The following MYRIP variants were observed in gnomAD, a reference collection of about 807,000 sequenced individuals.
MYRIP encodes the protein myosin VIIA and Rab interacting protein.
Under a neutral mutation model 98.0 loss-of-function variants are expected in MYRIP, and 49 were observed. The ratio of observed to expected loss-of-function variants is 0.50; its 90% CI spans 0.40 to 0.63. The LOEUF (loss-of-function observed/expected upper bound fraction) is 0.63, where lower values mean the gene tolerates loss of function less well. Among genes scored for constraint, MYRIP ranks in the 30% least tolerant of loss-of-function variants. The pLI, the probability that MYRIP is intolerant of heterozygous loss-of-function variation, is 0.00. For missense variants in MYRIP, 1,004 were observed against 1,058.2 expected (o/e 0.95, Z 0.71); for synonymous variants, 404 against 409.5 (o/e 0.99, Z 0.16).
intron 13 of MYRIP, among the ~76,000 whole-genome samples, chr3:40,247,760 G>A (rs1953250999): frequency 6.6e-6 from 1 of 152,364 alleles, no homozygotes; most frequent in Non-Finnish European, 1.5e-5. Flanking sequence ...CTGACCTCAA[G>A]TAATCCACCA....
intron 3 of MYRIP, among the ~76,000 whole-genome samples, chr3:40,098,740 T>TTGTGTGTGTGTGTGTGTGTGTGTGTG (rs3063561): frequency 1.5e-5 from 2 of 135,188 alleles, no homozygotes; most frequent in Non-Finnish European, 3.1e-5. Flanking sequence ...GTCTCTCTCA[T>TTGTGTGTGTGTGTGTGTGTGTGTGTG]TGTGTGTGTG....
intron 2 of MYRIP, among the ~76,000 whole-genome samples, chr3:39,950,618 C>A (rs1047634923): frequency 6.6e-6 from 1 of 152,134 alleles, no homozygotes; most frequent in African/African-American, 2.4e-5. Context: ...CTGGGTCTCT[C>A]TTTCCATTTG....
intron 12 of MYRIP, chr3:40,242,067 C>G (rs1018358083): frequency 6.6e-6 from 1 of 152,090 alleles, no homozygotes; most frequent in Non-Finnish European, 1.5e-5. Context: ...TAGCTTCAGC[C>G]CTCCTGAGAT....
intron 1 of MYRIP, among the ~76,000 whole-genome samples, chr3:39,864,275 A>G (rs1410422905): frequency 6.6e-6 from 1 of 152,154 alleles, no homozygotes; most frequent in Non-Finnish European, 1.5e-5. Context: ...ACTCCTATTC[A>G]ACATACTGTT....
chr3:40,036,179 A>T (rs1947378411), intron 2 of MYRIP, among the ~76,000 whole-genome samples: 1 of 151,846 alleles, frequency 6.6e-6, no homozygotes, highest in South Asian at 2.1e-4. Context: ...TAGTTACTTC[A>T]TAGTGAAACT....
rs143020606 is a variant in MYRIP, at chr3:39,918,205, C to T, written c.110+17279C>T. The stretch of plus-strand genomic sequence containing the variant: ...CTGGGATTACAGGCATGAGCCACCG[C>T]GCCCGGCCCTGACTTCCATTCTTTA... On this transcript the variant is annotated intron_variant, in intron 2 of 16. Transcript: ENST00000302541. Among the ~76,000 whole-genome samples the T allele has an allele frequency of 7.4e-3, 1,124 of 152,268 alleles. 24 individuals are homozygous for T. The East Asian group carries it at 0.089, about 12-fold the overall frequency.
At chr3:39,945,814 T>A (rs189756762) in intron 2 of MYRIP, among the ~76,000 whole-genome samples, 502 of 152,278 alleles carry the variant, frequency 3.3e-3, no homozygotes, top group Admixed American at 4.9e-3. Context: ...TACAACTTAA[T>A]ATGATGTCAA....
At chr3:40,235,686 T>C (rs1288026642) in intron 12 of MYRIP, among the ~76,000 whole-genome samples, 2 of 152,220 alleles carry the variant, frequency 1.3e-5, no homozygotes, top group Non-Finnish European at 2.9e-5. Flanking sequence ...TACTTGCTGC[T>C]TTTTCTGAGG....
At chr3:40,157,324 C>A (rs1447598079) in intron 4 of MYRIP, among the ~76,000 whole-genome samples, 4 of 122,128 alleles carry the variant, frequency 3.3e-5, no homozygotes, top group African/African-American at 1.3e-4. Context: ...TTGAACCAGC[C>A]TTGCATCCCA....
At chr3:39,963,725 G>A (rs902841637) in intron 2 of MYRIP, among the ~76,000 whole-genome samples, 3 of 152,036 alleles carry the variant, frequency 2.0e-5, no homozygotes, top group Non-Finnish European at 4.4e-5. Context: ...CTGAACATGT[G>A]TATATTTATA....
At chr3:40,242,157 T>C (rs1953038260) in intron 12 of MYRIP, 1 of 152,210 alleles carries the variant, frequency 6.6e-6, no homozygotes, top group African/African-American at 2.4e-5. Context: ...AATTCTCATC[T>C]TGAACACAGT....
intron 1 of MYRIP, among the ~76,000 whole-genome samples, chr3:39,837,977 A>G (rs1199508160): frequency 3.9e-5 from 6 of 152,208 alleles, no homozygotes; most frequent in Non-Finnish European, 7.3e-5. Flanking sequence ...TCTTTGTAGC[A>G]GTTGTGAATG....
chr3:40,228,230 G>C (rs1952544421), intron 11 of MYRIP, among the ~76,000 whole-genome samples: 1 of 152,160 alleles, frequency 6.6e-6, no homozygotes, highest in African/African-American at 2.4e-5. Flanking sequence ...CAAGACAAGG[G>C]CCACTGTGTG....
At chr3:40,225,481 A>AC (rs2125690247) in intron 11 of MYRIP, among the ~76,000 whole-genome samples, 1 of 152,234 alleles carries the variant, frequency 6.6e-6, no homozygotes, top group Admixed American at 6.5e-5. Flanking sequence ...ATTCTGTTTC[A>AC]CCATCACTTC....
At chr3:40,255,471 A>AAAAT (rs1953550694) in intron 16 of MYRIP, among the ~76,000 whole-genome samples, 1 of 152,220 alleles carries the variant, frequency 6.6e-6, no homozygotes, top group African/African-American at 2.4e-5. Context: ...TTTTTTAAAT[A>AAAAT]AAATAAAAAT....
At chr3:39,960,403 TAGGG>T (rs1945292364) in intron 2 of MYRIP, among the ~76,000 whole-genome samples, 2 of 152,164 alleles carry the variant, frequency 1.3e-5, no homozygotes, top group African/African-American at 4.8e-5. Flanking sequence ...TAATTTTACT[TAGGG>T]AGGCAAAGTT....
chr3:40,058,550 T>C (rs867532534), intron 3 of MYRIP, among the ~76,000 whole-genome samples: 2 of 152,188 alleles, frequency 1.3e-5, no homozygotes, highest in Admixed American at 6.5e-5. Flanking sequence ...AAAAGTTTGC[T>C]ATGCAATTAT....
chr3:40,088,220 A>G (rs1412571579), intron 3 of MYRIP, among the ~76,000 whole-genome samples: 1 of 152,172 alleles, frequency 6.6e-6, no homozygotes, highest in East Asian at 1.9e-4. Flanking sequence ...GGAACTCATC[A>G]GTCTTTACTA....
chr3:40,154,942 CCTTG>C (rs577689739), intron 4 of MYRIP, among the ~76,000 whole-genome samples: 10 of 151,542 alleles, frequency 6.6e-5, no homozygotes, highest in African/African-American at 1.9e-4. Context: ...GAAAAATAAA[CCTTG>C]CTTTTATTAT....
Sources: allele counts gnomAD v4.1 joint callset (sites outside exome capture counted in the v4.1 genomes callset), GRCh38; gene constraint gnomAD v4.1.1; transcripts MANE v1.5; gene names NCBI Gene and HGNC (gene_info 2026-07-23, HGNC 2026-07-21).